Variants in CACNA1C observed in about 807,000 individuals in gnomAD.
CACNA1C encodes the protein calcium voltage-gated channel subunit alpha1 C.
Under a neutral mutation model 229.0 loss-of-function variants are expected in CACNA1C, and 30 were observed. That is an observed-to-expected ratio of 0.13 (90% CI 0.10 to 0.18). CACNA1C has a LOEUF of 0.18. Among genes scored for constraint, CACNA1C ranks in the 10% least tolerant of loss-of-function variants. The pLI is 1.00. For missense variants in CACNA1C, 1,658 were observed against 2,845.0 expected, an observed-to-expected ratio of 0.58 and a Z score of 9.49; for synonymous variants, 1,114 against 1,132.5, an observed-to-expected ratio of 0.98 and a Z score of 0.33.
chr12:2,450,045 A>G (rs2099346296), intron 4 of CACNA1C, among the ~76,000 whole-genome samples: 1 of 152,050 alleles, frequency 6.6e-6, no homozygotes, highest in Non-Finnish European at 1.5e-5. Context: ...AGGTAACCAA[A>G]CCCCAATCAA....
intron 9 of CACNA1C, among the ~76,000 whole-genome samples, chr12:2,523,292 G>A (rs779598024): frequency 3.3e-5 from 5 of 152,162 alleles, no homozygotes; most frequent in Non-Finnish European, 5.9e-5. Context: ...GAGGTCAAGC[G>A]CCATCCCTTT....
At chr12:2,283,756 G>T (rs931154673) in intron 3 of CACNA1C, among the ~76,000 whole-genome samples, 1 of 152,202 alleles carries the variant, frequency 6.6e-6, no homozygotes, top group Non-Finnish European at 1.5e-5. Context: ...GGATGCTGCC[G>T]TCTGGTCCGA....
chr12:2,109,164 C>T (rs564811793), intron 1 of CACNA1C, among the ~76,000 whole-genome samples: 19 of 152,196 alleles, frequency 1.2e-4, no homozygotes, highest in African/African-American at 4.6e-4. Flanking sequence ...CAAGGCCAAG[C>T]AGGGTGACTG....
Position 2,598,973 on chromosome 12 carries a change from C to A in CACNA1C, c.2853+1684C>A, listed in dbSNP as rs528056605. 3.1e-4 allele frequency among the ~76,000 whole-genome samples: 47 copies of A among 152,298 alleles called. No homozygotes were observed. In the South Asian group the frequency reaches 9.8e-3, roughly 32 times the overall value. On this transcript the variant is annotated intron_variant, in intron 21 of 46. Transcript: ENST00000399655. ...TGCACTAAGATGCACCGCGGCAAAA[C>A]CTGCTTTCCATGGTGAGCTGCTTTG...
At chr12:2,470,423 GAATGA>G (rs999283704) in intron 5 of CACNA1C, among the ~76,000 whole-genome samples, 6 of 152,342 alleles carry the variant, frequency 3.9e-5, no homozygotes, top group African/African-American at 1.4e-4. Flanking sequence ...AATGAGGGGG[GAATGA>G]AATGAAGATC....
intron 3 of CACNA1C, among the ~76,000 whole-genome samples, chr12:2,123,947 G>A (rs186425583): frequency 4.6e-5 from 7 of 152,250 alleles, no homozygotes; most frequent in Admixed American, 2.0e-4. Context: ...TAGTAAGGGC[G>A]AAGTGTTGGG....
chr12:2,255,219 G>A (rs539982308), intron 3 of CACNA1C, among the ~76,000 whole-genome samples: 1 of 150,858 alleles, frequency 6.6e-6, no homozygotes, highest in African/African-American at 2.4e-5. Context: ...CTGAGGTACT[G>A]TGAGAGCCAG....
chr12:2,276,650 C>T (rs2088247123), intron 3 of CACNA1C, among the ~76,000 whole-genome samples: 1 of 152,180 alleles, frequency 6.6e-6, no homozygotes. Context: ...GCTTCTACAC[C>T]TTAATTAGCA....
chr12:2,052,284 A>T (rs2052425345), upstream of CACNA1C, among the ~76,000 whole-genome samples: 1 of 152,136 alleles, frequency 6.6e-6, no homozygotes, highest in Non-Finnish European at 1.5e-5. Flanking sequence ...TGCCTCGCCT[A>T]CCAGGCTCCG....
chr12:2,550,719 C>T lies in CACNA1C; in HGVS notation c.1481+686C>T, dbSNP rs1045995860. 5.6e-6 allele frequency: 7 copies of T among 1,251,292 alleles called. No homozygotes were observed. In the South Asian group the frequency reaches 7.5e-5, roughly 13 times the overall value. 77.5% of individuals were successfully genotyped at this position (1,251,292 alleles called of 1,614,324 possible). On this transcript the variant is annotated intron_variant, in intron 10 of 46. Transcript: ENST00000399655. ...GGGGGCGGGGCAGGGCGGCATCTCCCTTCCCTCCTCGTCTGTGGAATGATG... is the reference window on the plus strand; with the variant it reads ...GGGGGCGGGGCAGGGCGGCATCTCCTTTCCCTCCTCGTCTGTGGAATGATG...
intron 3 of CACNA1C, among the ~76,000 whole-genome samples, chr12:2,311,592 C>A (rs1156696441): frequency 6.6e-6 from 1 of 152,326 alleles, no homozygotes; most frequent in South Asian, 2.1e-4. Context: ...AGAAGCCTAA[C>A]TGGGCATCAC....
At position 2,685,781 on chromosome 12, in the gene CACNA1C, G is replaced by A. The variant is rs2097427730; in HGVS notation, c.5619G>A (p.Glu1873=). 6.2e-7 allele frequency: 1 copy of A among 1,613,762 alleles called. No homozygotes were observed. The highest frequency in any genetic ancestry group is 8.5e-7 in the Non-Finnish European group (1 of 1,179,688). ...AAAATCGGCAACTGACGCTCCCAGA[G>A]GAGGACAAGAGGGACATCCGGCAAT... ...DDENRQLTLP[E]EDKRDIRQSP... is the part of the protein sequence containing the mutation. The change falls in exon 44 of 47, where the codon GAG becomes GAA. Residue 1873 remains glutamate, a synonymous_variant. Transcript: ENST00000399655.
chr12:2,074,601 G>A, intron 1 of CACNA1C, among the ~76,000 whole-genome samples: 1 of 152,124 alleles, frequency 6.6e-6, no homozygotes, highest in East Asian at 1.9e-4. Context: ...TTATTGATAG[G>A]CCCTCTCAGG....
At chr12:2,333,465 A>G (rs2238065) in intron 3 of CACNA1C, among the ~76,000 whole-genome samples, 115,544 of 152,138 alleles carry the variant, frequency 0.76, 44,420 homozygotes, top group African/African-American at 0.87. Context: ...TTATTAAATA[A>G]CAAGCATCCT....
chr12:2,421,051 C>G (rs1268134195), intron 3 of CACNA1C, among the ~76,000 whole-genome samples: 1 of 152,138 alleles, frequency 6.6e-6, no homozygotes, highest in Non-Finnish European at 1.5e-5. Context: ...AAGTTGAAGT[C>G]TCCATCAGTG....
At chr12:2,283,553 T>C (rs1049631222) in intron 3 of CACNA1C, among the ~76,000 whole-genome samples, 4 of 152,164 alleles carry the variant, frequency 2.6e-5, no homozygotes, top group Non-Finnish European at 5.9e-5. Flanking sequence ...GATTCCACTT[T>C]CAGAATTTTA....
intron 3 of CACNA1C, among the ~76,000 whole-genome samples, chr12:2,315,791 A>G (rs2095658778): frequency 1.3e-5 from 2 of 152,220 alleles, no homozygotes; most frequent in African/African-American, 2.4e-5. Flanking sequence ...TTAAAATACA[A>G]TTAAGAGTTT....
intron 1 of CACNA1C, chr12:1,991,702 T>C (rs2039470404): frequency 6.2e-6 from 1 of 160,178 alleles, no homozygotes; most frequent in African/African-American, 2.4e-5. Context: ...TGTATGTTTA[T>C]TAGATCTAAA....
chr12:2,100,582 C>CAAAAAA, intron 1 of CACNA1C, among the ~76,000 whole-genome samples: 1 of 66,474 alleles, frequency 1.5e-5, no homozygotes, highest in Non-Finnish European at 3.1e-5. Context: ...CTGTTTCTAC[C>CAAAAAA]AAAAAAAAAA....
Sources: allele counts gnomAD v4.1 joint callset (sites outside exome capture counted in the v4.1 genomes callset), GRCh38; gene constraint gnomAD v4.1.1; transcripts MANE v1.5; gene names NCBI Gene and HGNC (gene_info 2026-07-23, HGNC 2026-07-21).